The following PRMT9 variants were observed in gnomAD, a reference collection of about 807,000 sequenced individuals.
PRMT9 encodes protein arginine methyltransferase 9, also known as protein arginine N-methyltransferase 9.
PRMT9 carries 59 observed loss-of-function variants against 83.2 expected under a neutral mutation model. The ratio of observed to expected loss-of-function variants is 0.71; its 90% CI spans 0.57 to 0.88. The LOEUF (loss-of-function observed/expected upper bound fraction) is 0.88, where lower values mean the gene tolerates loss of function less well. PRMT9 is among the 40% of genes least tolerant of loss of function. The probability of loss-of-function intolerance (pLI) is 0.00; values close to 1 mark genes in which losing one functional copy is unlikely to be tolerated. For synonymous variants in PRMT9, 333 were observed against 353.2 expected, an observed-to-expected ratio of 0.94 and a Z score of 0.64; for missense variants, 947 against 1,021.9, an observed-to-expected ratio of 0.93 and a Z score of 1.00.
intron 2 of PRMT9, 114 bp downstream of exon 2, chr4:147,680,209 C>A (rs1280392244): frequency 2.0e-6 from 2 of 978,808 alleles, no homozygotes; most frequent in South Asian, 1.4e-5. Flanking sequence ...CTTTTCAATT[C>A]TCCTTAATAA....
chr4:147,663,958 C>T (rs184256393), intron 6 of PRMT9, among the ~76,000 whole-genome samples: 3 of 152,254 alleles, frequency 2.0e-5, no homozygotes, highest in Admixed American at 1.3e-4. Flanking sequence ...TTAATCACAG[C>T]AATCAAATTC....
intron 6 of PRMT9, 36 bp downstream of exon 6, chr4:147,668,503 C>A: frequency 8.2e-7 from 1 of 1,215,834 alleles, no homozygotes; most frequent in Non-Finnish European, 1.2e-6. Flanking sequence ...TTGGGAGGTG[C>A]TTTATAGCAG....
At chr4:147,646,965 A>G (rs1733773576) in intron 9 of PRMT9, among the ~76,000 whole-genome samples, 1 of 152,172 alleles carries the variant, frequency 6.6e-6, no homozygotes, top group African/African-American at 2.4e-5. Context: ...GGGTAAGCTA[A>G]CTGTGGGAGA....
chr4:147,651,889 G>T (rs538545400), intron 9 of PRMT9, among the ~76,000 whole-genome samples: 2 of 152,164 alleles, frequency 1.3e-5, no homozygotes, highest in African/African-American at 4.8e-5. Flanking sequence ...AAGAGCTCTG[G>T]AGATAATTTA....
intron 5 of PRMT9, among the ~76,000 whole-genome samples, chr4:147,669,063 GC>G (rs1294410755): frequency 1.3e-5 from 2 of 152,008 alleles, no homozygotes; most frequent in African/African-American, 4.8e-5. Flanking sequence ...TCCAGCCTGG[GC>G]TACAGAGCAA....
chr4:147,673,845 T>C lies in PRMT9; in HGVS notation c.368A>G (p.Tyr123Cys), dbSNP rs1172399300. The change falls in exon 3 of 12, where the codon TAT becomes TGT. Residue 123 changes from tyrosine (Y) to cysteine (C), a missense_variant. Physicochemically the swap from Tyr to Cys is radical, Grantham distance 194. Coordinates refer to ENST00000322396, the MANE Select transcript of PRMT9 (RefSeq NM_138364.4). ...GTTTAGCTTCACTGCTTTATGAAAATACCCAGCTGCTTCATCCCTAAAGCC... is the reference window on the plus strand; with the variant it reads ...GTTTAGCTTCACTGCTTTATGAAAACACCCAGCTGCTTCATCCCTAAAGCC... Reference protein sequence around the residue: ...RMGFRDEAAGYFHKAVKLNPD... With the variant: ...RMGFRDEAAGCFHKAVKLNPD... 5 of 1,614,116 alleles carry C rather than the reference T, an allele frequency of 3.1e-6. No homozygotes were observed. The highest frequency in any genetic ancestry group is 4.2e-6 in the Non-Finnish European group (5 of 1,179,954).
chr4:147,638,823 T>C, intron 11 of PRMT9, 76 bp from the exon 12 acceptor site: 1 of 1,388,174 alleles, frequency 7.2e-7, no homozygotes. Flanking sequence ...TAGTTACTTT[T>C]AAATACAAAA....
Position 147,683,911 on chromosome 4 carries a change from G to C in PRMT9, c.77C>G (p.Ser26Trp), listed in dbSNP as rs909755468. The change falls in exon 1 of 12, where the codon TCG becomes TGG. Residue 26 changes from serine to tryptophan, a missense_variant. Physicochemically the swap from Ser to Trp is radical, Grantham distance 177. Coordinates refer to ENST00000322396, the MANE Select transcript of PRMT9 (RefSeq NM_138364.4). The stretch of plus-strand genomic sequence containing the variant: ...GTGCTCTGCGCTCTGCAAGGACCGC[G>C]ACACCAGCTCGTCCCGGCCGGCTGC... Reference protein sequence around the residue: ...AGAAGRDELVSRSLQSAEHCL... With the variant: ...AGAAGRDELVWRSLQSAEHCL... 14 of 1,613,374 alleles carry C rather than the reference G, an allele frequency of 8.7e-6. No individual in the cohort carries two copies. Among genetic ancestry groups the C allele is most frequent in the Admixed American group, 1.7e-5 (1 of 60,010 alleles).
intron 6 of PRMT9, among the ~76,000 whole-genome samples, chr4:147,664,463 G>C (rs965836654): frequency 6.6e-6 from 1 of 152,096 alleles, no homozygotes; most frequent in Non-Finnish European, 1.5e-5. Context: ...TTACAGAATG[G>C]TCCCAACTAG....
At chr4:147,643,906 C>T (rs1200976554) in intron 9 of PRMT9, among the ~76,000 whole-genome samples, 1 of 151,938 alleles carries the variant, frequency 6.6e-6, no homozygotes, top group Non-Finnish European at 1.5e-5. Flanking sequence ...ATGGGAGGAT[C>T]GCTTGAGCCC....
In PRMT9 at chr4:147,673,133, G is replaced by A. The variant is rs1735846305; in HGVS notation, c.576-7C>T. The A allele has an allele frequency of 6.2e-7, 1 of 1,613,334 alleles. No homozygotes were observed. The highest frequency in any genetic ancestry group is 1.7e-5 in the Admixed American group (1 of 59,988). On this transcript the variant is annotated splice_polypyrimidine_tract_variant and splice_region_variant and intron_variant, in intron 3 of 11. Transcript: ENST00000322396. ...AGCTTTTTTAGCAAACATGCTACAAGGGAAAAAAGTTCTCCATCAAGAAAA... is the reference window on the plus strand; with the variant it reads ...AGCTTTTTTAGCAAACATGCTACAAAGGAAAAAAGTTCTCCATCAAGAAAA...
At chr4:147,646,391 T>C (rs571646415) in intron 9 of PRMT9, among the ~76,000 whole-genome samples, 1 of 152,118 alleles carries the variant, frequency 6.6e-6, no homozygotes, top group Non-Finnish European at 1.5e-5. Context: ...TTCTATGAAA[T>C]TAGCAAGCTA....
intron 9 of PRMT9, among the ~76,000 whole-genome samples, chr4:147,651,669 A>G (rs998421004): frequency 6.6e-6 from 1 of 152,236 alleles, no homozygotes; most frequent in African/African-American, 2.4e-5. Context: ...CACATACTAC[A>G]ACATGGATGA....
intron 2 of PRMT9, among the ~76,000 whole-genome samples, chr4:147,678,712 G>A (rs553255423): frequency 2.6e-5 from 4 of 152,284 alleles, no homozygotes; most frequent in African/African-American, 9.6e-5. Flanking sequence ...GTACCCAAGT[G>A]TCCAGCTCCC....
chr4:147,661,789 C>CAAAAAAAA lies in PRMT9; in HGVS notation c.954-759_954-752dup, dbSNP rs70958573. 1.2e-4 allele frequency among the ~76,000 whole-genome samples: 7 copies of CAAAAAAAA among 60,162 alleles called. No homozygotes were observed. In the South Asian group the frequency reaches 2.6e-3, roughly 22 times the overall value. 39.5% of individuals were successfully genotyped at this position (60,162 alleles called of 152,430 possible). ...TGGGCAACAGAGCGAGACTCCATCTCAAAAAAAAAAAAAAAAAAAAAAAAT... is the reference window on the plus strand; with the variant it reads ...TGGGCAACAGAGCGAGACTCCATCTCAAAAAAAAAAAAAAAAAAAAAAAAAAAAAAAAT... On this transcript the variant is annotated intron_variant, in intron 6 of 11. Coordinates refer to ENST00000322396, the MANE Select transcript of PRMT9 (RefSeq NM_138364.4).
At chr4:147,671,890 A>G (rs1322357601) in intron 4 of PRMT9, 5 of 456,152 alleles carry the variant, frequency 1.1e-5, no homozygotes, top group Admixed American at 2.3e-5. Context: ...AACTGACTAT[A>G]CTGGAGAAGG....
intron 5 of PRMT9, among the ~76,000 whole-genome samples, chr4:147,668,997 A>G (rs1345682664): frequency 6.6e-6 from 1 of 152,132 alleles, no homozygotes; most frequent in African/African-American, 2.4e-5. Context: ...GAGGCAGGAG[A>G]ATCGCTTGAA....
Position 147,639,091 on chromosome 4 carries a change from A to G in PRMT9, c.2200-9T>C, listed in dbSNP as rs753023087. The G allele has an allele frequency of 4.3e-6, 7 of 1,613,098 alleles. No homozygotes were observed. The South Asian group carries it at 6.6e-5, about 15-fold the overall frequency. The stretch of plus-strand genomic sequence containing the variant: ...AATACACGTATAGGTACCTAGAGAA[A>G]GTATAAATTTTTCACTTTCACTTTT... On this transcript the variant is annotated splice_polypyrimidine_tract_variant and intron_variant, in intron 10 of 11. Coordinates refer to ENST00000322396, the MANE Select transcript of PRMT9 (RefSeq NM_138364.4).
intron 10 of PRMT9, among the ~76,000 whole-genome samples, chr4:147,642,097 T>TTA (rs1298331945): frequency 6.6e-6 from 1 of 152,218 alleles, no homozygotes; most frequent in East Asian, 1.9e-4. Context: ...CTGCTGATAC[T>TTA]TATCAGCTGC....
Sources: gnomAD v4.1 joint callset for allele counts (sites outside exome capture counted in the v4.1 genomes callset) on GRCh38, gnomAD v4.1.1 for gene constraint, MANE v1.5 for transcripts, NCBI Gene and HGNC (gene_info 2026-07-23, HGNC 2026-07-21) for gene names.